The following SUGCT variants were observed in gnomAD, a reference collection of about 807,000 sequenced individuals.
SUGCT encodes the protein succinyl-CoA:glutarate CoA-transferase.
In SUGCT, 41 loss-of-function variants were observed where a neutral mutation model predicts 55.0. The observed-to-expected ratio is 0.74, with a 90% confidence interval of 0.58 to 0.97. The LOEUF (loss-of-function observed/expected upper bound fraction) is 0.97. SUGCT is among the 50% of genes least tolerant of loss of function. The pLI is 0.00. For synonymous variants in SUGCT, 187 were observed against 200.4 expected, an observed-to-expected ratio of 0.93 and a Z score of 0.56; for missense variants, 568 against 547.8, an observed-to-expected ratio of 1.04 and a Z score of -0.37.
chr7:40,459,528 T>C (rs1789680078), intron 11 of SUGCT, among the ~76,000 whole-genome samples: 1 of 152,232 alleles, frequency 6.6e-6, no homozygotes, highest in Non-Finnish European at 1.5e-5. Flanking sequence ...ACAACAATAA[T>C]AATTTAACAT....
chr7:40,756,814 A>G (rs1436669389), intron 13 of SUGCT, among the ~76,000 whole-genome samples: 4 of 152,200 alleles, frequency 2.6e-5, no homozygotes, highest in Non-Finnish European at 4.4e-5. Flanking sequence ...AAAAGTGTGT[A>G]AAGTTTTCAT....
At chr7:40,403,810 A>G (rs1360194844) in intron 9 of SUGCT, among the ~76,000 whole-genome samples, 3 of 152,218 alleles carry the variant, frequency 2.0e-5, no homozygotes, top group Admixed American at 6.5e-5. Flanking sequence ...TTCTTTGTCT[A>G]TATGGCAAAC....
intron 13 of SUGCT, among the ~76,000 whole-genome samples, chr7:40,765,604 A>T (rs4720373): frequency 0.55 from 83,685 of 152,076 alleles, 24,699 homozygotes; most frequent in Admixed American, 0.71. Context: ...CTATTTAGAA[A>T]AAGAGGTTTC....
intron 9 of SUGCT, among the ~76,000 whole-genome samples, chr7:40,438,410 T>A (rs1420824537): frequency 6.6e-6 from 1 of 152,168 alleles, no homozygotes; most frequent in Non-Finnish European, 1.5e-5. Flanking sequence ...TTTCTCAGTC[T>A]TGTAAAAGAT....
At chr7:40,945,328 A>G in the SUGCT span, among the ~76,000 whole-genome samples, 4 of 152,108 alleles carry the variant, frequency 2.6e-5, no homozygotes, top group Admixed American at 1.3e-4. Flanking sequence ...TTAAACAGGC[A>G]TCTGTTTTTG....
At chr7:40,766,282 C>T (rs1350911150) in intron 13 of SUGCT, among the ~76,000 whole-genome samples, 2 of 152,146 alleles carry the variant, frequency 1.3e-5, no homozygotes, top group East Asian at 3.9e-4. Flanking sequence ...GTGATCTCTG[C>T]TCGCTGGAAC....
chr7:40,946,106 GTT>G, the SUGCT span, among the ~76,000 whole-genome samples: 62 of 146,314 alleles, frequency 4.2e-4, no homozygotes, highest in East Asian at 6.1e-4. Flanking sequence ...TCACATACAA[GTT>G]TTTTTTTTTT....
chr7:40,805,345 C>T (rs75941434), intron 13 of SUGCT, among the ~76,000 whole-genome samples: 1 of 151,982 alleles, frequency 6.6e-6, no homozygotes, highest in Non-Finnish European at 1.5e-5. Flanking sequence ...CCAAATTCTG[C>T]CCCCCGGAAG....
chr7:40,249,034 C>A (rs1374056602), intron 7 of SUGCT, among the ~76,000 whole-genome samples: 1 of 151,804 alleles, frequency 6.6e-6, no homozygotes, highest in Non-Finnish European at 1.5e-5. Flanking sequence ...CTTATGCCTG[C>A]AATCCTAGCA....
At chr7:40,499,290 G>C (rs896842924) in intron 12 of SUGCT, 1 of 274,490 alleles carries the variant, frequency 3.6e-6, no homozygotes, top group African/African-American at 2.3e-5. Context: ...ACTCAGTAAC[G>C]GCAGAAAAAT....
chr7:40,235,643 A>G (rs1294076501), intron 6 of SUGCT, among the ~76,000 whole-genome samples: 3 of 152,250 alleles, frequency 2.0e-5, no homozygotes, highest in African/African-American at 7.2e-5. Context: ...TTATTTTTAT[A>G]TAAAATATTT....
chr7:40,612,615 C>G (rs2151774112), intron 12 of SUGCT, among the ~76,000 whole-genome samples: 1 of 152,282 alleles, frequency 6.6e-6, no homozygotes, highest in African/African-American at 2.4e-5. Flanking sequence ...GCTGTGCAGC[C>G]TTGGGAAATT....
intron 13 of SUGCT, among the ~76,000 whole-genome samples, chr7:40,798,132 T>G (rs1790637311): frequency 6.6e-6 from 1 of 152,206 alleles, no homozygotes; most frequent in South Asian, 2.1e-4. Flanking sequence ...CTCTTCTGCA[T>G]ATGTATATTT....
At chr7:40,664,873 G>C (rs1440939060) in intron 12 of SUGCT, among the ~76,000 whole-genome samples, 2 of 151,650 alleles carry the variant, frequency 1.3e-5, no homozygotes, top group African/African-American at 2.4e-5. Context: ...CCAGCTGCTC[G>C]GGAGGCTGAG....
the SUGCT span, among the ~76,000 whole-genome samples, chr7:40,882,313 C>T: frequency 6.6e-6 from 1 of 152,200 alleles, no homozygotes; most frequent in Non-Finnish European, 1.5e-5. Flanking sequence ...CCCAGTTGTT[C>T]TGTGGAGCAT....
chr7:40,672,472 T>C (rs1801988697), intron 12 of SUGCT, among the ~76,000 whole-genome samples: 2 of 152,170 alleles, frequency 1.3e-5, no homozygotes. Flanking sequence ...AGGTTACATA[T>C]GATAAGATTC....
At chr7:40,706,555 A>G (rs188059180) in intron 12 of SUGCT, among the ~76,000 whole-genome samples, 20 of 152,310 alleles carry the variant, frequency 1.3e-4, no homozygotes, top group African/African-American at 4.6e-4. Flanking sequence ...GAATTTGGGA[A>G]ATGTGGTCAT....
At chr7:40,943,657 A>C in the SUGCT span, among the ~76,000 whole-genome samples, 1 of 149,030 alleles carries the variant, frequency 6.7e-6, no homozygotes, top group Non-Finnish European at 1.5e-5. Flanking sequence ...TATGTGCCAC[A>C]TTTTCTTAAT....
chr7:40,816,328 C>T (rs1375819974), intron 13 of SUGCT, among the ~76,000 whole-genome samples: 1 of 152,208 alleles, frequency 6.6e-6, no homozygotes, highest in Non-Finnish European at 1.5e-5. Flanking sequence ...CTAGGCTAGC[C>T]TGGGGAAAAT....
Sources: allele counts gnomAD v4.1 joint callset (sites outside exome capture counted in the v4.1 genomes callset), GRCh38; gene constraint gnomAD v4.1.1; transcripts MANE v1.5; gene names NCBI Gene and HGNC (gene_info 2026-07-23, HGNC 2026-07-21).